FAM13A: variants seen among roughly 807,000 people sequenced by gnomAD.
FAM13A encodes protein FAM13A.
A neutral mutation model predicts 129.6 loss-of-function variants in FAM13A; 76 were observed. That is an observed-to-expected ratio of 0.59 (90% CI 0.49 to 0.71). The LOEUF is 0.71. Ranked by LOEUF, FAM13A falls within the 30% of genes least tolerant of loss-of-function variation. The probability of loss-of-function intolerance (pLI) is 0.00; values close to 1 mark genes in which losing one functional copy is unlikely to be tolerated. For synonymous variants in FAM13A, 443 were observed against 449.9 expected (o/e 0.98, Z 0.20); for missense variants, 1,108 against 1,249.3 (o/e 0.89, Z 1.70).
At chr4:88,791,386 C>T (rs1036547724) in intron 8 of FAM13A, among the ~76,000 whole-genome samples, 2 of 152,080 alleles carry the variant, frequency 1.3e-5, no homozygotes, top group African/African-American at 2.4e-5. Flanking sequence ...TAGCATGCTT[C>T]AGAACTTTCC....
intron 7 of FAM13A, among the ~76,000 whole-genome samples, chr4:88,834,849 T>C (rs183233663): frequency 6.6e-6 from 1 of 152,096 alleles, no homozygotes; most frequent in Admixed American, 6.6e-5. Flanking sequence ...AATACTATTA[T>C]CTCTCTCTTC....
chr4:88,860,935 T>C (rs1739385888), intron 6 of FAM13A, among the ~76,000 whole-genome samples: 1 of 152,194 alleles, frequency 6.6e-6, no homozygotes, highest in African/African-American at 2.4e-5. Flanking sequence ...CTAAAGCCAT[T>C]TCTGTTGTCA....
chr4:88,913,022 G>A (rs983687341), intron 5 of FAM13A, among the ~76,000 whole-genome samples: 32 of 147,706 alleles, frequency 2.2e-4, no homozygotes, highest in African/African-American at 7.2e-4. Context: ...AGGAGGAGGA[G>A]GAAGAAGAAG....
At chr4:88,739,442 C>T (rs999431745) in intron 19 of FAM13A, among the ~76,000 whole-genome samples, 1 of 151,824 alleles carries the variant, frequency 6.6e-6, no homozygotes, top group African/African-American at 2.4e-5. Context: ...TGACTATTTT[C>T]TGAGCCCAGG....
chr4:88,821,186 C>T (rs989881720), intron 7 of FAM13A, among the ~76,000 whole-genome samples: 1 of 152,176 alleles, frequency 6.6e-6, no homozygotes, highest in African/African-American at 2.4e-5. Context: ...ACAAAGACAA[C>T]CGCACAAACC....
chr4:89,050,718 AG>A (rs760187276), intron 1 of FAM13A, among the ~76,000 whole-genome samples: 45 of 151,912 alleles, frequency 3.0e-4, no homozygotes, highest in Admixed American at 9.2e-4. Flanking sequence ...ACCTGAGGTC[AG>A]GAGTTCAAGA....
chr4:88,938,891 T>G (rs1426295322), intron 4 of FAM13A, among the ~76,000 whole-genome samples: 1 of 152,190 alleles, frequency 6.6e-6, no homozygotes, highest in East Asian at 1.9e-4. Flanking sequence ...GTAGTTACAC[T>G]ATGTAAAGAA....
chr4:88,780,368 A>G (rs1434097771), intron 11 of FAM13A, among the ~76,000 whole-genome samples: 1 of 152,196 alleles, frequency 6.6e-6, no homozygotes, highest in Non-Finnish European at 1.5e-5. Flanking sequence ...TTTGCACACT[A>G]AACAGTAGGA....
chr4:88,786,089 G>A (rs549024822), intron 10 of FAM13A, among the ~76,000 whole-genome samples: 1 of 152,246 alleles, frequency 6.6e-6, no homozygotes, highest in South Asian at 2.1e-4. Context: ...GGCTTGGGAA[G>A]CTCTCTATTT....
intron 3 of FAM13A, among the ~76,000 whole-genome samples, chr4:89,016,152 T>C (rs1348804660): frequency 6.7e-6 from 1 of 150,276 alleles, no homozygotes; most frequent in Non-Finnish European, 1.5e-5. Flanking sequence ...TCTGACTCTG[T>C]AGGCCTAGAC....
intron 4 of FAM13A, among the ~76,000 whole-genome samples, chr4:88,964,238 T>C (rs1014100572): frequency 2.6e-5 from 4 of 152,238 alleles, no homozygotes; most frequent in Non-Finnish European, 2.9e-5. Context: ...CAAACACTTA[T>C]TGCTTTCTTT....
intron 1 of FAM13A, among the ~76,000 whole-genome samples, chr4:89,030,053 C>T (rs1451281432): frequency 6.6e-6 from 1 of 151,344 alleles, no homozygotes; most frequent in Non-Finnish European, 1.5e-5. Flanking sequence ...GTCTCGGTGT[C>T]ATTTTAAGGT....
At chr4:88,827,023 T>C (rs538550540) in intron 7 of FAM13A, among the ~76,000 whole-genome samples, 3 of 152,276 alleles carry the variant, frequency 2.0e-5, no homozygotes, top group African/African-American at 7.2e-5. Flanking sequence ...CCCCCAAATC[T>C]ATCTCTGCTG....
chr4:88,912,667 CCCAGA>C (rs1326317566), intron 5 of FAM13A, among the ~76,000 whole-genome samples: 1 of 152,114 alleles, frequency 6.6e-6, no homozygotes, highest in African/African-American at 2.4e-5. Context: ...TTCCTACTCA[CCCAGA>C]CCAACTCCAT....
In FAM13A at chr4:88,938,477, T is replaced by C. The variant is rs190772890; in HGVS notation, c.606-236A>G. ...AAATATAGGCTGTTCAGGAAGAAGATAGAGATGAACACTGAGGCCAGTAGT... is the reference window on the plus strand; with the variant it reads ...AAATATAGGCTGTTCAGGAAGAAGACAGAGATGAACACTGAGGCCAGTAGT... On this transcript the variant is annotated intron_variant, in intron 4 of 23. Coordinates refer to ENST00000264344, the MANE Select transcript of FAM13A (RefSeq NM_014883.4). 1.8e-4 allele frequency among the ~76,000 whole-genome samples: 28 copies of C among 152,250 alleles called. No homozygotes were observed. The East Asian group carries it at 5.2e-3, about 28-fold the overall frequency.
At chr4:89,020,156 A>C (rs1366567590) in intron 3 of FAM13A, among the ~76,000 whole-genome samples, 1 of 152,128 alleles carries the variant, frequency 6.6e-6, no homozygotes, top group East Asian at 1.9e-4. Context: ...TACATAGGGG[A>C]TGAGGGCCTG....
At chr4:88,905,176 C>T (rs950119640) in intron 6 of FAM13A, among the ~76,000 whole-genome samples, 5 of 151,930 alleles carry the variant, frequency 3.3e-5, no homozygotes, top group East Asian at 1.9e-4. Context: ...TATGTATGAA[C>T]GAGATGGAGT....
intron 8 of FAM13A, among the ~76,000 whole-genome samples, chr4:88,796,328 T>C (rs1287217333): frequency 6.6e-6 from 1 of 152,028 alleles, no homozygotes; most frequent in East Asian, 1.9e-4. Flanking sequence ...TACACTGTGG[T>C]CAGAAATTAT....
chr4:88,863,737 T>C (rs1739906385), intron 6 of FAM13A, among the ~76,000 whole-genome samples: 1 of 152,166 alleles, frequency 6.6e-6, no homozygotes, highest in Admixed American at 6.5e-5. Flanking sequence ...AAAACACACA[T>C]TTGATGTCAG....
Sources: gnomAD v4.1 joint callset for allele counts (sites outside exome capture counted in the v4.1 genomes callset) on GRCh38, gnomAD v4.1.1 for gene constraint, MANE v1.5 for transcripts, NCBI Gene and HGNC (gene_info 2026-07-23, HGNC 2026-07-21) for gene names.